Variants in SCN11A observed in about 807,000 individuals in gnomAD.
SCN11A encodes the protein sodium voltage-gated channel alpha subunit 11.
Under a neutral mutation model 162.2 loss-of-function variants are expected in SCN11A, and 122 were observed. The observed-to-expected ratio is 0.75, with a 90% CI of 0.65 to 0.87. The LOEUF (loss-of-function observed/expected upper bound fraction) is 0.87. Among genes scored for constraint, SCN11A ranks in the 40% least tolerant of loss-of-function variants. The probability of loss-of-function intolerance (pLI) is 0.00; values close to 1 mark genes in which losing one functional copy is unlikely to be tolerated. For missense variants in SCN11A, 2,015 were observed against 2,181.6 expected (o/e 0.92, Z 1.52); for synonymous variants, 758 against 751.5 (o/e 1.01, Z -0.14).
intron 29 of SCN11A, chr3:38,850,188 C>T (rs186922165): frequency 1.4e-5 from 4 of 291,994 alleles, no homozygotes; most frequent in Admixed American, 5.0e-5. Context: ...CAGGTTACCA[C>T]CACAAAAACT....
intron 16 of SCN11A, among the ~76,000 whole-genome samples, chr3:38,901,032 GA>G (rs1329445738): frequency 6.6e-6 from 1 of 151,934 alleles, no homozygotes; most frequent in Non-Finnish European, 1.5e-5. Flanking sequence ...AAAAAAGCAA[GA>G]ATACAAAAAT....
chr3:38,900,764 CA>C (rs1370685661), intron 16 of SCN11A, among the ~76,000 whole-genome samples: 1 of 151,594 alleles, frequency 6.6e-6, no homozygotes, highest in African/African-American at 2.4e-5. Context: ...ATTTCCAGAA[CA>C]AAATATCAAA....
At chr3:39,013,515 G>C (rs1432455209) in intron 2 of SCN11A, among the ~76,000 whole-genome samples, 1 of 151,942 alleles carries the variant, frequency 6.6e-6, no homozygotes, top group African/African-American at 2.4e-5. Flanking sequence ...TAAGATCTTG[G>C]AAAATGCAGC....
At chr3:38,873,910 A>T (rs1434178451) in intron 23 of SCN11A, among the ~76,000 whole-genome samples, 2 of 152,198 alleles carry the variant, frequency 1.3e-5, no homozygotes, top group Non-Finnish European at 2.9e-5. Flanking sequence ...GGAATAGTAC[A>T]GCATATAAAT....
At chr3:39,044,115 T>C (rs1235166224) in intron 1 of SCN11A, among the ~76,000 whole-genome samples, 2 of 152,152 alleles carry the variant, frequency 1.3e-5, no homozygotes, top group African/African-American at 4.8e-5. Context: ...TGTCATTATA[T>C]AATAATAAAG....
chr3:38,956,176 T>C (rs1174774020), intron 3 of SCN11A, among the ~76,000 whole-genome samples: 1 of 151,364 alleles, frequency 6.6e-6, no homozygotes, highest in Non-Finnish European at 1.5e-5. Context: ...ACCCTGGAGG[T>C]GGAGGTTGCC....
At chr3:38,870,565 T>G in intron 26 of SCN11A, 126 bp downstream of exon 26, 1 of 730,230 alleles carries the variant, frequency 1.4e-6, no homozygotes, top group Non-Finnish European at 2.4e-6. Context: ...AGTGTTTTGT[T>G]CCAAAGAAAA....
intron 28 of SCN11A, among the ~76,000 whole-genome samples, chr3:38,857,726 A>C (rs2064893417): frequency 6.6e-6 from 1 of 152,170 alleles, no homozygotes; most frequent in African/African-American, 2.4e-5. Context: ...GAAGGAAAGA[A>C]TCTTAAGAGC....
intron 7 of SCN11A, among the ~76,000 whole-genome samples, chr3:38,942,942 C>T (rs1166437914): frequency 3.3e-5 from 5 of 152,098 alleles, no homozygotes; most frequent in East Asian, 1.9e-4. Flanking sequence ...ATATACTTAT[C>T]GCAGGGCCCA....
chr3:38,960,636 C>T (rs2066733059), intron 2 of SCN11A, among the ~76,000 whole-genome samples: 1 of 152,040 alleles, frequency 6.6e-6, no homozygotes, highest in South Asian at 2.1e-4. Flanking sequence ...TGGCCTGATC[C>T]AAGTGGGTGA....
At chr3:38,937,740 T>G (rs1024711183) in intron 7 of SCN11A, among the ~76,000 whole-genome samples, 1 of 152,200 alleles carries the variant, frequency 6.6e-6, no homozygotes, top group African/African-American at 2.4e-5. Context: ...CTGGAGAGGA[T>G]GTGGAGAAAT....
chr3:38,918,304 C>A (rs557545755), intron 11 of SCN11A, among the ~76,000 whole-genome samples: 2 of 152,274 alleles, frequency 1.3e-5, no homozygotes, highest in East Asian at 3.9e-4. Flanking sequence ...GGCCCCAGAG[C>A]AGTACTGGTT....
At chr3:38,866,971 G>C (rs2065050732) in intron 27 of SCN11A, among the ~76,000 whole-genome samples, 1 of 152,108 alleles carries the variant, frequency 6.6e-6, no homozygotes, top group Non-Finnish European at 1.5e-5. Flanking sequence ...GCATTTGAAA[G>C]GTTATTAAAA....
chr3:39,032,656 C>G (rs1169528390), intron 1 of SCN11A, among the ~76,000 whole-genome samples, 153 bp from the exon 2 acceptor site: 1 of 152,168 alleles, frequency 6.6e-6, no homozygotes. Context: ...TTACATAAAA[C>G]TTATGAGACA....
chr3:38,892,402 A>T (rs1329952544), intron 19 of SCN11A, among the ~76,000 whole-genome samples: 1 of 152,182 alleles, frequency 6.6e-6, no homozygotes, highest in Non-Finnish European at 1.5e-5. Flanking sequence ...GTGTAAAACA[A>T]TATGTTTAAA....
intron 28 of SCN11A, among the ~76,000 whole-genome samples, chr3:38,860,442 A>G (rs1462177766): frequency 2.0e-5 from 3 of 152,300 alleles, no homozygotes; most frequent in East Asian, 3.9e-4. Flanking sequence ...ACAACAAAAA[A>G]GAAAACTACA....
At chr3:38,854,229 T>G (rs2064830302) in intron 28 of SCN11A, among the ~76,000 whole-genome samples, 1 of 152,228 alleles carries the variant, frequency 6.6e-6, no homozygotes, top group Non-Finnish European at 1.5e-5. Context: ...TGGCTGCTTC[T>G]GTACCACAAT....
At chr3:38,930,100 A>T (rs1367374070) in intron 7 of SCN11A, among the ~76,000 whole-genome samples, 1 of 152,252 alleles carries the variant, frequency 6.6e-6, no homozygotes, top group East Asian at 1.9e-4. Flanking sequence ...TGAGTCTGCA[A>T]GCACAAACAC....
chr3:38,882,998 A>T (rs1342795591), intron 22 of SCN11A, among the ~76,000 whole-genome samples: 1 of 152,192 alleles, frequency 6.6e-6, no homozygotes, highest in Non-Finnish European at 1.5e-5. Context: ...TGGCCACTTT[A>T]AAGTGCTGGT....
Sources: gnomAD v4.1 joint callset for allele counts (sites outside exome capture counted in the v4.1 genomes callset) on GRCh38, gnomAD v4.1.1 for gene constraint, MANE v1.5 for transcripts, NCBI Gene and HGNC (gene_info 2026-07-23, HGNC 2026-07-21) for gene names.